Variants in TIAL1 observed in about 807,000 individuals in gnomAD.
TIAL1 encodes the protein nucleolysin TIAR.
Under a neutral mutation model 59.7 loss-of-function variants are expected in TIAL1, and 7 were observed. That is an observed-to-expected ratio of 0.12 (90% CI 0.07 to 0.22). The LOEUF (loss-of-function observed/expected upper bound fraction) is 0.22, where lower values mean the gene tolerates loss of function less well. TIAL1 is among the 10% of genes least tolerant of loss of function. TIAL1 has a pLI of 1.00. For synonymous variants in TIAL1, 149 were observed against 146.3 expected, an observed-to-expected ratio of 1.02 and a Z score of -0.13; for missense variants, 225 against 462.5, an observed-to-expected ratio of 0.49 and a Z score of 4.71.
rs541800949 is a variant in TIAL1 at position 119,574,281 on chromosome 10, T to C, written c.*1384A>G. Reference sequence around the variant, plus strand: ...TTTACAAACTCTGCACACATACAACTTAAGCCTCTGCTCAGGCTTATTATA... The same window carrying C: ...TTTACAAACTCTGCACACATACAACCTAAGCCTCTGCTCAGGCTTATTATA... On this transcript the variant is annotated 3_prime_UTR_variant, in exon 12 of 12. Transcript: ENST00000436547. The C allele has an allele frequency of 6.6e-6, 1 of 152,328 alleles. No homozygotes were observed. Among genetic ancestry groups the C allele is most frequent in the South Asian group, 2.1e-4 (1 of 4,820 alleles). The allele number at this position is 152,328 out of a possible 1,614,324, so 9.4% of individuals were successfully genotyped here. A position where few individuals can be genotyped will look rare whatever the true frequency, so the allele number is the denominator to read the frequency against.
chr10:119,585,783 T>C, intron 2 of TIAL1, among the ~76,000 whole-genome samples: 1 of 152,200 alleles, frequency 6.6e-6, no homozygotes. Flanking sequence ...CCACTGAAAC[T>C]GCATGTTGAG....
intron 5 of TIAL1, 85 bp from the exon 6 acceptor site, chr10:119,580,095 G>C: frequency 1.8e-6 from 2 of 1,103,990 alleles, no homozygotes; most frequent in Admixed American, 5.0e-5. Context: ...ACTGTATTGT[G>C]AGCATTTTTA....
At chr10:119,581,345 C>T (rs1037055907) in intron 5 of TIAL1, among the ~76,000 whole-genome samples, 3 of 151,936 alleles carry the variant, frequency 2.0e-5, no homozygotes, top group Non-Finnish European at 2.9e-5. Flanking sequence ...CTAACAAAAA[C>T]ATCTAATTAA....
In TIAL1 at chr10:119,578,712, T is replaced by C; in HGVS notation, c.556+14A>G. 6.3e-7 allele frequency: 1 copy of C among 1,580,272 alleles called. No individual in the cohort carries two copies. On this transcript the variant is annotated intron_variant, in intron 7 of 11. Transcript: ENST00000436547. ...AAGAATATAATTTTAACACACACAG[T>C]GGACATATCTTACTTTCTTGTGTAC...
intron 1 of TIAL1, 180 bp from the exon 2 acceptor site, chr10:119,588,428 C>G (rs1195884890): frequency 2.7e-6 from 1 of 368,570 alleles, no homozygotes; most frequent in African/African-American, 2.1e-5. Flanking sequence ...ACTGCAACTT[C>G]CGCCTCCCAG....
intron 11 of TIAL1, 101 bp downstream of exon 11, chr10:119,576,510 T>C: frequency 6.9e-7 from 1 of 1,448,682 alleles, no homozygotes; most frequent in Non-Finnish European, 9.3e-7. Context: ...GCCAAATAGC[T>C]CAATGTATAT....
intron 6 of TIAL1, 48 bp from the exon 7 acceptor site, chr10:119,578,882 A>C (rs1845163944): frequency 7.1e-7 from 1 of 1,401,994 alleles, no homozygotes; most frequent in Non-Finnish European, 1.0e-6. Flanking sequence ...AGTGATAAAT[A>C]AGACTCTGTA....
At chr10:119,590,873 C>CTAGT (rs1302370200) in intron 1 of TIAL1, among the ~76,000 whole-genome samples, 2 of 152,088 alleles carry the variant, frequency 1.3e-5, no homozygotes, top group Non-Finnish European at 2.9e-5. Context: ...GCCTAAAGGG[C>CTAGT]TAGTTAGCTC....
At chr10:119,580,407 T>C (rs953586888) in intron 5 of TIAL1, 1 of 691,336 alleles carries the variant, frequency 1.4e-6, no homozygotes, top group East Asian at 1.1e-4. Context: ...TGCCTAGTGA[T>C]ACAAAATATA....
At chr10:119,592,398 C>T (rs1428220889) in intron 1 of TIAL1, 1 of 152,160 alleles carries the variant, frequency 6.6e-6, no homozygotes, top group Non-Finnish European at 1.5e-5. Context: ...GGCAGAAATT[C>T]ACATTGCCAA....
At position 119,577,073 on chromosome 10, in the gene TIAL1, G is replaced by A. The variant is rs755175335; in HGVS notation, c.861+7C>T. 6 of 1,612,640 alleles carry A rather than the reference G, an allele frequency of 3.7e-6. No homozygotes were observed. The African/African-American group carries it at 4.0e-5, about 11-fold the overall frequency. ...ACCTTAAAGAATGCTATGAAAAATCGAATTACCTGTTGGAAGTTTTTAGTC... is the reference window on the plus strand; with the variant it reads ...ACCTTAAAGAATGCTATGAAAAATCAAATTACCTGTTGGAAGTTTTTAGTC... On this transcript the variant is annotated splice_region_variant and intron_variant, in intron 10 of 11. Transcript: ENST00000436547.
chr10:119,582,661 T>C lies in TIAL1; in HGVS notation c.130-104A>G. On this transcript the variant is annotated intron_variant, in intron 2 of 11. Coordinates refer to ENST00000436547, the MANE Select transcript of TIAL1 (RefSeq NM_003252.4). The surrounding 1 kb of genome is among the most constrained non-coding windows in gnomAD (Gnocchi z 5.1). Reference sequence around the variant, plus strand: ...TACTGATAGCTGGGAATATACAAGGTGAGACTGCATAAGCTTATGAAAGCC... The same window carrying C: ...TACTGATAGCTGGGAATATACAAGGCGAGACTGCATAAGCTTATGAAAGCC... 1 of 1,530,800 alleles carries C rather than the reference T, an allele frequency of 6.5e-7. No homozygotes were observed. The highest frequency in any genetic ancestry group is 1.3e-5 in the South Asian group (1 of 77,906). 94.8% of individuals were successfully genotyped at this position (1,530,800 alleles called of 1,614,324 possible).
Position 119,575,345 on chromosome 10 carries a change from G to A in TIAL1, c.*320C>T. On this transcript the variant is annotated 3_prime_UTR_variant, in exon 12 of 12. Transcript: ENST00000436547. ...AAATACTGAACAGCAAGATAAAAAT[G>A]GAATAGTATCTAAGAATCAAAATGT... is the stretch of plus-strand genomic sequence containing the variant. The A allele has an allele frequency of 4.6e-6, 1 of 218,522 alleles. No individual in the cohort carries two copies. Among genetic ancestry groups the A allele is most frequent in the South Asian group, 5.8e-5 (1 of 17,148 alleles). The allele number at this position is 218,522 out of a possible 1,614,324, so 13.5% of individuals were successfully genotyped here. A position where few individuals can be genotyped will look rare whatever the true frequency, so the allele number is the denominator to read the frequency against.
intron 1 of TIAL1, among the ~76,000 whole-genome samples, chr10:119,593,096 T>G (rs990930559): frequency 1.3e-5 from 2 of 152,194 alleles, no homozygotes; most frequent in African/African-American, 4.8e-5. Flanking sequence ...AAAACACTAT[T>G]ACAATTTAGT....
rs984129688 is a variant in TIAL1, at chr10:119,573,507, C to T, written c.*2158G>A. The stretch of plus-strand genomic sequence containing the variant: ...ACTAGTCTGGATAATTTTATTAAAT[C>T]ATAGAATATACAGTCAGGAAACACT... On this transcript the variant is annotated 3_prime_UTR_variant, in exon 12 of 12. Transcript: ENST00000436547. 6.6e-6 allele frequency: 1 copy of T among 152,310 alleles called. No homozygotes were observed. The highest frequency in any genetic ancestry group is 2.4e-5 in the African/African-American group (1 of 41,318). The allele number at this position is 152,310 out of a possible 1,614,324, so 9.4% of individuals were successfully genotyped here.
chr10:119,590,772 GAAAGAAAGAAAGAA>G (rs1564744755), intron 1 of TIAL1, among the ~76,000 whole-genome samples: 7 of 110,332 alleles, frequency 6.3e-5, no homozygotes, highest in East Asian at 5.9e-4. Flanking sequence ...GAGAAAGAAA[GAAAGAAAGAAAGAA>G]AGAAAGAAAG....
chr10:119,584,796 T>G lies in TIAL1; in HGVS notation c.130-2239A>C, dbSNP rs372493585. On this transcript the variant is annotated intron_variant, in intron 2 of 11. Transcript: ENST00000436547. ...GTGAGCCAAGATCGTGCCACTGCACTCCAGCCCGGGCAACAGAGCCAGACT... is the reference window on the plus strand; with the variant it reads ...GTGAGCCAAGATCGTGCCACTGCACGCCAGCCCGGGCAACAGAGCCAGACT... Among the ~76,000 whole-genome samples, 7 of 151,744 alleles carry G rather than the reference T, an allele frequency of 4.6e-5. No individual in the cohort carries two copies. The East Asian group carries it at 5.8e-4, about 13-fold the overall frequency.
chr10:119,594,066 C>A, intron 1 of TIAL1, among the ~76,000 whole-genome samples: 1 of 132,072 alleles, frequency 7.6e-6, no homozygotes, highest in Non-Finnish European at 1.6e-5. Context: ...AGTAGTCCTT[C>A]TCTTAAAAAA....
Position 119,596,493 on chromosome 10 carries a change from C to T in TIAL1, c.-28G>A. 1 of 1,043,970 alleles carries T rather than the reference C, an allele frequency of 9.6e-7. No homozygotes were observed. Among genetic ancestry groups the T allele is most frequent in the South Asian group, 1.5e-5 (1 of 68,208 alleles). The allele number at this position is 1,043,970 out of a possible 1,614,324, so 64.7% of individuals were successfully genotyped here. A position where few individuals can be genotyped will look rare whatever the true frequency, so the allele number is the denominator to read the frequency against. ...TGGGTGCGACGGAGCGATCCCGGGA[C>T]AAGGGGGAGGGCAGGGTTGGGGAGG... is the stretch of plus-strand genomic sequence containing the variant. On this transcript the variant is annotated 5_prime_UTR_variant, in exon 1 of 12. Transcript: ENST00000436547.
Sources: gnomAD v4.1 joint callset for allele counts (sites outside exome capture counted in the v4.1 genomes callset) on GRCh38, gnomAD v4.1.1 for gene constraint, Gnocchi (gnomAD v3.1) non-coding constraint, MANE v1.5 for transcripts, NCBI Gene and HGNC (gene_info 2026-07-23, HGNC 2026-07-21) for gene names.